Variants in ASIC2 observed in about 807,000 individuals in gnomAD.
The protein encoded by ASIC2 is acid sensing ion channel subunit 2, also known as acid-sensing ion channel 2.
Under a neutral mutation model 57.3 loss-of-function variants are expected in ASIC2, and 25 were observed. The ratio of observed to expected loss-of-function variants is 0.44; its 90% CI spans 0.32 to 0.61. ASIC2 has a LOEUF of 0.61. ASIC2 is among the 20% of genes least tolerant of loss of function. ASIC2 has a pLI of 0.06. For missense variants in ASIC2, 641 were observed against 738.1 expected, an observed-to-expected ratio of 0.87 and a Z score of 1.52; for synonymous variants, 319 against 307.5, an observed-to-expected ratio of 1.04 and a Z score of -0.39.
At chr17:33,442,961 T>C (rs886515921) in intron 1 of ASIC2, among the ~76,000 whole-genome samples, 6 of 152,202 alleles carry the variant, frequency 3.9e-5, no homozygotes, top group Non-Finnish European at 7.3e-5. Context: ...CTATTCTTAG[T>C]TTACTGGAAA....
At chr17:33,399,632 C>T (rs1211841719) in intron 1 of ASIC2, among the ~76,000 whole-genome samples, 1 of 152,222 alleles carries the variant, frequency 6.6e-6, no homozygotes, top group African/African-American at 2.4e-5. Context: ...GAATCAGCTT[C>T]TGCTTTCAGT....
At chr17:33,665,577 C>T (rs184658105) in intron 1 of ASIC2, among the ~76,000 whole-genome samples, 7 of 152,196 alleles carry the variant, frequency 4.6e-5, no homozygotes, top group African/African-American at 9.6e-5. Context: ...TGGCTGCCAA[C>T]GCTCTTGATT....
intron 1 of ASIC2, among the ~76,000 whole-genome samples, chr17:34,108,131 A>G (rs1911128766): frequency 6.6e-6 from 1 of 152,116 alleles, no homozygotes; most frequent in Non-Finnish European, 1.5e-5. Context: ...ATCAGTTCAC[A>G]AGGATCTTCC....
intron 1 of ASIC2, among the ~76,000 whole-genome samples, chr17:34,099,161 A>G (rs1910687332): frequency 1.2e-4 from 1 of 8,152 alleles, no homozygotes; most frequent in African/African-American, 2.3e-4. Context: ...AGAGAGAGAG[A>G]GAGAAAGAAA....
intron 1 of ASIC2, among the ~76,000 whole-genome samples, chr17:33,269,033 G>A (rs866528090): frequency 2.0e-5 from 3 of 152,272 alleles, no homozygotes; most frequent in African/African-American, 4.8e-5. Context: ...TACATTTAAT[G>A]AGCATATGAA....
intron 1 of ASIC2, among the ~76,000 whole-genome samples, chr17:34,152,520 C>T (rs182257482): frequency 1.1e-4 from 16 of 152,306 alleles, no homozygotes; most frequent in Admixed American, 2.6e-4. Context: ...CCACCTCTCC[C>T]TCCCTGGTTT....
chr17:33,057,198 T>A (rs2092001621), intron 3 of ASIC2, among the ~76,000 whole-genome samples: 1 of 152,212 alleles, frequency 6.6e-6, no homozygotes, highest in Non-Finnish European at 1.5e-5. Flanking sequence ...TCCCATGCAG[T>A]TGGTGTGGGG....
chr17:33,490,164 T>TC (rs2141933487), intron 1 of ASIC2, among the ~76,000 whole-genome samples: 1 of 151,914 alleles, frequency 6.6e-6, no homozygotes, highest in South Asian at 2.1e-4. Context: ...GACTTTCACA[T>TC]TATAAGGTAG....
intron 1 of ASIC2, among the ~76,000 whole-genome samples, chr17:33,511,110 A>G (rs965310070): frequency 1.9e-5 from 1 of 53,338 alleles, no homozygotes; most frequent in Non-Finnish European, 3.7e-5. Flanking sequence ...ACGGGTGCCC[A>G]CCCCACCCAC....
chr17:33,577,561 T>A (rs913268012), intron 1 of ASIC2, among the ~76,000 whole-genome samples: 2 of 152,124 alleles, frequency 1.3e-5, no homozygotes, highest in Non-Finnish European at 2.9e-5. Context: ...CTCCCCAGAA[T>A]AACCAAACCT....
At chr17:33,432,813 C>A (rs1270405287) in intron 1 of ASIC2, among the ~76,000 whole-genome samples, 1 of 152,146 alleles carries the variant, frequency 6.6e-6, no homozygotes, top group Non-Finnish European at 1.5e-5. Context: ...AGCTCAACAT[C>A]TCTGACCATC....
chr17:33,793,633 A>G (rs938859019), intron 1 of ASIC2: 5 of 152,204 alleles, frequency 3.3e-5, no homozygotes, highest in Non-Finnish European at 7.3e-5. Context: ...ATCTTGTAGG[A>G]GGTAGGATCT....
At chr17:33,703,701 G>C (rs909702512) in intron 1 of ASIC2, among the ~76,000 whole-genome samples, 1 of 152,098 alleles carries the variant, frequency 6.6e-6, no homozygotes, top group Non-Finnish European at 1.5e-5. Context: ...TTTTAAGCAG[G>C]GGAAGGTACA....
chr17:33,472,363 C>A lies in ASIC2; in HGVS notation c.556-360296G>T, dbSNP rs115073753. Among the ~76,000 whole-genome samples, 959 of 152,248 alleles carry A rather than the reference C, an allele frequency of 6.3e-3. 8 individuals carry two copies. Among genetic ancestry groups the A allele is most frequent in the African/African-American group, 0.022 (926 of 41,548 alleles). ...CAGGGATTGCTTGCTAAACACCCAC[C>A]ATGCACTGGGCACATTGTGTAAGTT... On this transcript the variant is annotated intron_variant, in intron 1 of 9. Coordinates refer to the ASIC2 transcript ENST00000359872.
chr17:33,824,210 A>G (rs950838137), intron 1 of ASIC2, among the ~76,000 whole-genome samples: 6 of 152,186 alleles, frequency 3.9e-5, no homozygotes, highest in African/African-American at 1.4e-4. Context: ...CCGAATGCCC[A>G]GGCGGGCCTA....
chr17:33,036,755 C>A (rs2091910239), intron 3 of ASIC2, among the ~76,000 whole-genome samples: 1 of 152,094 alleles, frequency 6.6e-6, no homozygotes, highest in Admixed American at 6.6e-5. Flanking sequence ...TCCCATGAAG[C>A]CTTGCTCTAC....
At chr17:33,735,887 G>C (rs780253845) in intron 1 of ASIC2, among the ~76,000 whole-genome samples, 1 of 151,928 alleles carries the variant, frequency 6.6e-6, no homozygotes, top group African/African-American at 2.4e-5. Flanking sequence ...TTCTTGTTTC[G>C]TCTCTAAGCT....
intron 1 of ASIC2, among the ~76,000 whole-genome samples, chr17:33,434,798 T>A (rs894404413): frequency 2.0e-5 from 3 of 152,202 alleles, no homozygotes; most frequent in South Asian, 2.1e-4. Context: ...AAATGAAGGT[T>A]AGAACGGAGA....
chr17:33,759,586 G>A (rs922594086), intron 1 of ASIC2, among the ~76,000 whole-genome samples: 8 of 152,288 alleles, frequency 5.3e-5, no homozygotes, highest in Non-Finnish European at 1.0e-4. Flanking sequence ...AGATCTTTGA[G>A]GCTGCCCCTC....
Sources: gnomAD v4.1 joint callset for allele counts (sites outside exome capture counted in the v4.1 genomes callset) on GRCh38, gnomAD v4.1.1 for gene constraint, MANE v1.5 for transcripts, NCBI Gene and HGNC (gene_info 2026-07-23, HGNC 2026-07-21) for gene names.